The following TRPM5 variants were observed in gnomAD, a reference collection of about 807,000 sequenced individuals.
The protein encoded by TRPM5 is MLSN1 and TRP-related.
TRPM5 carries 121 observed loss-of-function variants against 124.9 expected under a neutral mutation model. That is an observed-to-expected ratio of 0.97 (90% CI 0.84 to 1.13). TRPM5 has a LOEUF of 1.13. Among genes scored for constraint, TRPM5 ranks in the 50% most tolerant of loss-of-function variants. The pLI is 0.00. For synonymous variants in TRPM5, 781 were observed against 700.5 expected (o/e 1.11, Z -1.81); for missense variants, 1,643 against 1,589.1 (o/e 1.03, Z -0.58).
chr11:2,407,133 T>C (rs925129562), exon 20 of TRPM5: 2 of 1,576,832 alleles, frequency 1.3e-6, no homozygotes, highest in Non-Finnish European at 1.7e-6. Context: ...GTGCTCCCGC[T>C]TGTGCTCAGC....
chr11:2,417,099 G>A (rs928587783), intron 7 of TRPM5, among the ~76,000 whole-genome samples: 3 of 152,156 alleles, frequency 2.0e-5, no homozygotes, highest in Non-Finnish European at 2.9e-5. Flanking sequence ...TTTCTGGGGC[G>A]ATGAAGGCTT....
intron 12 of TRPM5, 47 bp downstream of exon 17, chr11:2,414,014 C>CCCCCCCA: frequency 1.9e-6 from 1 of 533,206 alleles, no homozygotes; most frequent in African/African-American, 2.0e-5. Flanking sequence ...AGCTCGCCCG[C>CCCCCCCA]CCACCCCACC....
chr11:2,420,160 G>A (rs2133531736), intron 4 of TRPM5, 62 bp downstream of exon 9: 1 of 1,526,746 alleles, frequency 6.5e-7, no homozygotes, highest in East Asian at 2.3e-5. Context: ...CTCTCCCACA[G>A]GCGGGTCCCT....
exon 11 of TRPM5, chr11:2,414,787 T>G: frequency 1.3e-6 from 2 of 1,573,610 alleles, no homozygotes; most frequent in East Asian, 2.4e-5. Flanking sequence ...AGGTGCGACA[T>G]CTCTTTGAGG....
intron 3 of TRPM5, among the ~76,000 whole-genome samples, chr11:2,420,616 G>A (rs1485947174): frequency 6.6e-6 from 1 of 152,158 alleles, no homozygotes; most frequent in Non-Finnish European, 1.5e-5. Context: ...GGGCAGGGGC[G>A]GTGGGGAGCG....
chr11:2,441,629 G>T, the TRPM5 span, among the ~76,000 whole-genome samples: 1 of 152,208 alleles, frequency 6.6e-6, no homozygotes. This position sits in a 1 kb window ranked among gnomAD's most constrained non-coding sequence, Gnocchi z 7.2. Flanking sequence ...GCAGGCTGTG[G>T]CACAGCTCAG....
intron 15 of TRPM5, 72 bp from the exon 21 acceptor site, chr11:2,412,325 G>T: frequency 1.1e-6 from 1 of 912,136 alleles, no homozygotes. Context: ...ACCTGGACAA[G>T]CTTGGATCTG....
exon 9 of TRPM5, chr11:2,415,143 C>T (rs750376824): frequency 8.9e-6 from 14 of 1,570,848 alleles, no homozygotes; most frequent in Admixed American, 1.8e-5. Context: ...GTCCCCTGGC[C>T]GGCCGTCCTG....
At chr11:2,407,406 G>A in intron 19 of TRPM5, 106 bp from the exon 25 acceptor site, 3 of 1,120,734 alleles carry the variant, frequency 2.7e-6, no homozygotes, top group Non-Finnish European at 3.8e-6. Context: ...TTGAAACTGA[G>A]GCCCAGCACT....
chr11:2,414,598 C>T, intron 11 of TRPM5, 117 bp downstream of exon 16: 1 of 1,376,252 alleles, frequency 7.3e-7, no homozygotes, highest in Non-Finnish European at 9.5e-7. Context: ...CCCCTGAGGG[C>T]ACCTGGAGCC....
chr11:2,415,145 G>T lies in TRPM5; in HGVS notation c.1455C>A (p.Gly485=), dbSNP rs556922279. The change falls in exon 9 of 24, where the codon GGC becomes GGA. Residue 485 remains glycine (G), a synonymous_variant. Transcript: ENST00000155858. ...CCGCCCTCCTGCGGTCCCCTGGCCGGCCGTCCTGGTAGAAGCCTCGGCAGG... is the reference window on the plus strand; with the variant it reads ...CCGCCCTCCTGCGGTCCCCTGGCCGTCCGTCCTGGTAGAAGCCTCGGCAGG... The T allele has an allele frequency of 1.3e-5, 21 of 1,571,500 alleles. No individual in the cohort carries two copies. The South Asian group carries it at 2.3e-4, about 17-fold the overall frequency.
At chr11:2,418,588 G>C in exon 5 of TRPM5, 1 of 1,611,072 alleles carries the variant, frequency 6.2e-7, no homozygotes, top group African/African-American at 1.3e-5. Context: ...GATGCTGCCA[G>C]TGCCTGTGGA....
chr11:2,405,885 C>G (rs1437017466), intron 22 of TRPM5, 134 bp downstream of exon 27: 7 of 831,090 alleles, frequency 8.4e-6, no homozygotes, highest in Non-Finnish European at 1.4e-5. Context: ...CTCCTCTGCC[C>G]ACTGGGGTGC....
At chr11:2,430,749 GTGGTGGTGGTTT>G in the TRPM5 span, among the ~76,000 whole-genome samples, 4 of 132,838 alleles carry the variant, frequency 3.0e-5, no homozygotes, top group Non-Finnish European at 4.8e-5. Flanking sequence ...GATGGTGTTG[GTGGTGGTGGTTT>G]TGGTGGTGGT....
Position 2,414,339 on chromosome 11 carries a change from G to A in TRPM5, c.1745-133C>T, listed in dbSNP as rs1055704716. ...GCGTTCAACACGCAGGGCCCAGCCA[G>A]GCCTTCTGCCCCCTCCGGCCTGCTC... is the stretch of plus-strand genomic sequence containing the variant. On this transcript the variant is annotated intron_variant, in intron 11 of 23. Coordinates refer to ENST00000155858, the Ensembl canonical transcript of TRPM5. 36 of 1,321,838 alleles carry A rather than the reference G, an allele frequency of 2.7e-5. No homozygotes were observed. The African/African-American group carries it at 4.9e-4, about 18-fold the overall frequency. 81.9% of individuals were successfully genotyped at this position (1,321,838 alleles called of 1,614,324 possible).
the TRPM5 span, among the ~76,000 whole-genome samples, chr11:2,439,563 G>A: frequency 2.6e-5 from 4 of 152,178 alleles, no homozygotes; most frequent in Non-Finnish European, 5.9e-5. Flanking sequence ...CGGTCAACAA[G>A]CATATAAAAG....
chr11:2,405,153 T>A, intron 23 of TRPM5, 110 bp from the exon 29 acceptor site: 1 of 872,962 alleles, frequency 1.1e-6, no homozygotes, highest in Non-Finnish European at 1.8e-6. Context: ...GCTCTCAGAG[T>A]GAGTCCCCAC....
intron 7 of TRPM5, among the ~76,000 whole-genome samples, chr11:2,416,549 CG>C (rs1845684711): frequency 6.6e-6 from 1 of 152,198 alleles, no homozygotes; most frequent in Admixed American, 6.5e-5. Context: ...CCATGGACCC[CG>C]TAAGACTACG....
chr11:2,414,299 C>G (rs1197409684), intron 11 of TRPM5, 93 bp from the exon 17 acceptor site: 1 of 1,484,152 alleles, frequency 6.7e-7, no homozygotes, highest in Non-Finnish European at 9.0e-7. Flanking sequence ...GACCTGGGCT[C>G]TGCAGCCGCA....
Sources: allele counts gnomAD v4.1 joint callset (sites outside exome capture counted in the v4.1 genomes callset), GRCh38; gene constraint gnomAD v4.1.1; non-coding constraint Gnocchi (gnomAD v3.1); transcripts MANE v1.5; gene names NCBI Gene and HGNC (gene_info 2026-07-23, HGNC 2026-07-21).